The following IGSF11 variants were observed in gnomAD, a reference collection of about 807,000 sequenced individuals.
IGSF11 encodes the protein CXADR like 1.
Under a neutral mutation model 41.0 loss-of-function variants are expected in IGSF11, and 22 were observed. The observed-to-expected ratio is 0.54, with a 90% CI of 0.38 to 0.77. The LOEUF (loss-of-function observed/expected upper bound fraction) is 0.77. Ranked by LOEUF, IGSF11 falls within the 30% of genes least tolerant of loss-of-function variation. IGSF11 has a pLI of 0.00. For synonymous variants in IGSF11, 219 were observed against 201.3 expected, an observed-to-expected ratio of 1.09 and a Z score of -0.74; for missense variants, 444 against 530.8, an observed-to-expected ratio of 0.84 and a Z score of 1.61.
intron 1 of IGSF11, among the ~76,000 whole-genome samples, chr3:118,988,490 G>A (rs1468953897): frequency 6.6e-6 from 1 of 152,108 alleles, no homozygotes; most frequent in Non-Finnish European, 1.5e-5. Context: ...AAAATCACAG[G>A]AAATTGGGCA....
intron 1 of IGSF11, among the ~76,000 whole-genome samples, chr3:119,028,832 T>C (rs1940083741): frequency 6.6e-6 from 1 of 152,118 alleles, no homozygotes; most frequent in Non-Finnish European, 1.5e-5. Flanking sequence ...ATTTTATTTT[T>C]CTTTAAAAAA....
chr3:119,094,723 G>GTACAA (rs2076821888), intron 1 of IGSF11, among the ~76,000 whole-genome samples: 1 of 148,516 alleles, frequency 6.7e-6, no homozygotes, highest in Non-Finnish European at 1.5e-5. Flanking sequence ...CCAGGCTGGA[G>GTACAA]TACAATGGCA....
At chr3:118,914,536 C>T (rs1182549209) in intron 4 of IGSF11, among the ~76,000 whole-genome samples, 6 of 151,834 alleles carry the variant, frequency 4.0e-5, no homozygotes, top group South Asian at 2.1e-4. Context: ...CCGAATATGG[C>T]GCTTTTCAGA....
chr3:118,926,548 T>A (rs983566720), intron 3 of IGSF11, among the ~76,000 whole-genome samples: 8 of 152,330 alleles, frequency 5.3e-5, no homozygotes, highest in African/African-American at 1.9e-4. Context: ...CTCTGCTTCC[T>A]CTAAAGAAGA....
intron 1 of IGSF11, among the ~76,000 whole-genome samples, chr3:119,047,879 A>G (rs1296163477): frequency 1.3e-5 from 2 of 152,146 alleles, no homozygotes; most frequent in African/African-American, 4.8e-5. Context: ...AAACTGAACA[A>G]CCTGCTCCTG....
intron 1 of IGSF11, among the ~76,000 whole-genome samples, chr3:119,003,572 C>A (rs1053000639): frequency 6.6e-6 from 1 of 151,144 alleles, no homozygotes; most frequent in African/African-American, 2.5e-5. Flanking sequence ...CAGTTTTTGC[C>A]CATTCAGTAT....
At chr3:119,024,958 G>A (rs1197587294) in intron 1 of IGSF11, among the ~76,000 whole-genome samples, 3 of 152,026 alleles carry the variant, frequency 2.0e-5, no homozygotes, top group Non-Finnish European at 2.9e-5. Flanking sequence ...AAGGATTGAA[G>A]AGAAAAAATA....
intron 1 of IGSF11, among the ~76,000 whole-genome samples, chr3:119,088,505 T>C (rs964989060): frequency 5.3e-5 from 8 of 152,090 alleles, no homozygotes; most frequent in Non-Finnish European, 1.0e-4. Context: ...TCTAACTTTG[T>C]GCCTAAAGGC....
chr3:118,950,954 C>T (rs1944527635), intron 1 of IGSF11, among the ~76,000 whole-genome samples: 1 of 152,148 alleles, frequency 6.6e-6, no homozygotes. Context: ...TCTGCTGGCT[C>T]TGGCTTGGTG....
chr3:119,061,203 T>A (rs1299169344), intron 1 of IGSF11, among the ~76,000 whole-genome samples: 1 of 152,204 alleles, frequency 6.6e-6, no homozygotes, highest in Non-Finnish European at 1.5e-5. Context: ...ATACCATGTA[T>A]TCTTAAAGAA....
intron 1 of IGSF11, among the ~76,000 whole-genome samples, chr3:118,953,574 G>T (rs183346970): frequency 1.0e-3 from 159 of 151,856 alleles, no homozygotes; most frequent in East Asian, 3.3e-3. Context: ...ATTATTTTTT[G>T]ATTTTTTTTA....
At chr3:119,102,903 C>T (rs532184295) in intron 1 of IGSF11, among the ~76,000 whole-genome samples, 1 of 152,100 alleles carries the variant, frequency 6.6e-6, no homozygotes, top group East Asian at 1.9e-4. Context: ...CTTCTCTGAG[C>T]CGTTGGAGTT....
chr3:118,989,357 AT>A (rs11313865), intron 1 of IGSF11, among the ~76,000 whole-genome samples: 102,731 of 147,228 alleles, frequency 0.7, 35,849 homozygotes, highest in South Asian at 0.8. Flanking sequence ...CCTTTATAGC[AT>A]TTTTTTTTTT....
At chr3:118,904,606 A>C (rs1295982741) in intron 6 of IGSF11, 42 bp downstream of exon 6, 4 of 1,427,902 alleles carry the variant, frequency 2.8e-6, no homozygotes, top group Non-Finnish European at 3.9e-6. Flanking sequence ...AGAAGTACAC[A>C]ATGGCTATGC....
Position 119,025,145 on chromosome 3 carries a change from G to A in IGSF11, c.52+9386C>T, listed in dbSNP as rs529226022. On this transcript the variant is annotated intron_variant, in intron 1 of 6. Transcript: ENST00000393775. ...TATATTGGGAGGGGGAGAGAGAGAG[G>A]AAAGTCAAGTAACTATTTTAGGAAA... Among the ~76,000 whole-genome samples the A allele has an allele frequency of 2.2e-3, 331 of 151,984 alleles. 1 individual carries two copies. The highest frequency in any genetic ancestry group is 7.4e-3 in the African/African-American group (308 of 41,430).
chr3:119,020,197 T>C lies in IGSF11; in HGVS notation c.52+14334A>G, dbSNP rs935339827. ...GCCCAAACAGAGGAAGATGCTGATC[T>C]TGAAATCCCTGCACAGACCTCTACA... On this transcript the variant is annotated intron_variant, in intron 1 of 6. Transcript: ENST00000393775. Among the ~76,000 whole-genome samples the C allele has an allele frequency of 3.3e-5, 5 of 152,334 alleles. 1 individual carries two copies. The highest frequency in any genetic ancestry group is 1.9e-4 in the East Asian group (1 of 5,180).
chr3:118,909,511 T>C (rs910070553), intron 4 of IGSF11, among the ~76,000 whole-genome samples: 1 of 152,188 alleles, frequency 6.6e-6, no homozygotes, highest in Non-Finnish European at 1.5e-5. Context: ...TCAAACTCTA[T>C]TAAAGATAAA....
chr3:119,059,339 A>G (rs1941978314), intron 1 of IGSF11, among the ~76,000 whole-genome samples: 1 of 152,124 alleles, frequency 6.6e-6, no homozygotes, highest in African/African-American at 2.4e-5. Flanking sequence ...GTATGTTCTC[A>G]TTTATATGTG....
intron 1 of IGSF11, among the ~76,000 whole-genome samples, chr3:119,115,056 C>T (rs2077236792): frequency 6.6e-6 from 1 of 152,114 alleles, no homozygotes; most frequent in Admixed American, 6.5e-5. Flanking sequence ...AAGGAAGAAG[C>T]CCATCCCCAT....
Sources: allele counts gnomAD v4.1 joint callset (sites outside exome capture counted in the v4.1 genomes callset), GRCh38; gene constraint gnomAD v4.1.1; transcripts MANE v1.5; gene names NCBI Gene and HGNC (gene_info 2026-07-23, HGNC 2026-07-21).